SLC37A1: variants seen among roughly 807,000 people sequenced by gnomAD.
The protein encoded by SLC37A1 is glucose-6-phosphate exchanger SLC37A1.
SLC37A1 carries 49 observed loss-of-function variants against 75.3 expected under a neutral mutation model. That is an observed-to-expected ratio of 0.65 (90% CI 0.52 to 0.83). The LOEUF (loss-of-function observed/expected upper bound fraction) is 0.83, where lower values mean the gene tolerates loss of function less well. SLC37A1 is among the 40% of genes least tolerant of loss of function. The probability of loss-of-function intolerance (pLI) is 0.00; values close to 1 mark genes in which losing one functional copy is unlikely to be tolerated. For synonymous variants in SLC37A1, 268 were observed against 292.1 expected (o/e 0.92, Z 0.84); for missense variants, 566 against 695.0 (o/e 0.81, Z 2.09).
intron 3 of SLC37A1, among the ~76,000 whole-genome samples, chr21:42,530,652 A>ACC (rs905052485): frequency 0.014 from 362 of 25,070 alleles, 6 homozygotes; most frequent in Middle Eastern, 0.026. Context: ...ACACACACAC[A>ACC]CACCCCCTCT....
chr21:42,569,062 G>A (rs1409531127), intron 17 of SLC37A1, among the ~76,000 whole-genome samples: 1 of 152,210 alleles, frequency 6.6e-6, no homozygotes, highest in Non-Finnish European at 1.5e-5. Flanking sequence ...GTGAAGATCA[G>A]GAGGGTCCTT....
At chr21:42,567,987 A>C (rs1452545629) in intron 16 of SLC37A1, among the ~76,000 whole-genome samples, 1 of 152,260 alleles carries the variant, frequency 6.6e-6, no homozygotes, top group East Asian at 1.9e-4. Context: ...TCCAGCAGAC[A>C]CGTGGATGTG....
rs538595806 is a variant in SLC37A1 at position 42,517,524 on chromosome 21, A to G, written c.-178-753A>G. Among the ~76,000 whole-genome samples the G allele has an allele frequency of 4.6e-5, 7 of 152,342 alleles. No homozygotes were observed. The East Asian group carries it at 5.8e-4, about 13-fold the overall frequency. On this transcript the variant is annotated intron_variant, in intron 1 of 19. Transcript: ENST00000352133. Reference sequence around the variant, plus strand: ...TGGAAGCTCACTTTCGAGGGAGGCAAAAGTGAATGTGGGGAACTGATTGGC... The same window carrying G: ...TGGAAGCTCACTTTCGAGGGAGGCAGAAGTGAATGTGGGGAACTGATTGGC...
intron 10 of SLC37A1, among the ~76,000 whole-genome samples, chr21:42,557,451 C>T (rs1798205802): frequency 6.6e-6 from 1 of 152,288 alleles, no homozygotes. Flanking sequence ...CCATTCTTTG[C>T]TTTCACGTGC....
At chr21:42,576,410 G>GTAA (rs1555889378) in intron 18 of SLC37A1, among the ~76,000 whole-genome samples, 1 of 151,586 alleles carries the variant, frequency 6.6e-6, no homozygotes, top group Non-Finnish European at 1.5e-5. Context: ...TCCTTAGGCA[G>GTAA]TAATACAGAA....
rs1245821472 is a variant in SLC37A1, at chr21:42,530,645, CACACA to C, written c.139-4052_139-4048del. Among the ~76,000 whole-genome samples, 67 of 31,254 alleles carry C rather than the reference CACACA, an allele frequency of 2.1e-3. 1 individual carries two copies. The highest frequency in any genetic ancestry group is 3.2e-3 in the Non-Finnish European group (49 of 15,248). 20.5% of individuals were successfully genotyped at this position (31,254 alleles called of 152,430 possible). ...ACACACACACACACACACACACACA[CACACA>C]CACACCCCCTCTGTGTTGGCTGAAG... On this transcript the variant is annotated intron_variant, in intron 3 of 19. Transcript: ENST00000352133.
intron 18 of SLC37A1, among the ~76,000 whole-genome samples, chr21:42,576,717 CA>C (rs1475199863): frequency 6.6e-6 from 1 of 152,026 alleles, no homozygotes; most frequent in Admixed American, 6.5e-5. Flanking sequence ...AACAACCAAA[CA>C]GGAGTTATAG....
At chr21:42,559,442 G>C (rs539411565) in intron 11 of SLC37A1, among the ~76,000 whole-genome samples, 1 of 152,258 alleles carries the variant, frequency 6.6e-6, no homozygotes, top group South Asian at 2.1e-4. Context: ...CCTGACTACT[G>C]TGCCACCTGG....
intron 10 of SLC37A1, among the ~76,000 whole-genome samples, chr21:42,556,077 T>C (rs1226293442): frequency 6.6e-6 from 1 of 152,144 alleles, no homozygotes; most frequent in African/African-American, 2.4e-5. Context: ...TAGCAGGCAG[T>C]TTCTCAGTGG....
At chr21:42,543,712 G>C in intron 8 of SLC37A1, 110 bp downstream of exon 8, 3 of 1,076,206 alleles carry the variant, frequency 2.8e-6, no homozygotes, top group Non-Finnish European at 4.0e-6. Context: ...CGCCCTGTTT[G>C]CCCGTGGCTG....
intron 1 of SLC37A1, among the ~76,000 whole-genome samples, chr21:42,500,711 G>A (rs752434485): frequency 8.5e-5 from 13 of 152,140 alleles, no homozygotes; most frequent in South Asian, 4.1e-4. Context: ...AGTCTGTGAC[G>A]AACAGATTAG....
chr21:42,564,172 GTCT>G (rs1382740007), intron 13 of SLC37A1, among the ~76,000 whole-genome samples: 1 of 128,864 alleles, frequency 7.8e-6, no homozygotes, highest in Non-Finnish European at 1.6e-5. Context: ...ATCGCTTGAG[GTCT>G]TCTTGTTATG....
intron 18 of SLC37A1, chr21:42,575,491 C>G (rs1318490586): frequency 1.0e-6 from 1 of 985,322 alleles, no homozygotes; most frequent in African/African-American, 1.7e-5. Flanking sequence ...TTTCTCTGGG[C>G]TCCTGCTTCT....
intron 5 of SLC37A1, among the ~76,000 whole-genome samples, chr21:42,538,428 G>A (rs146138565): frequency 1.1e-3 from 172 of 152,266 alleles, no homozygotes; most frequent in African/African-American, 3.8e-3. Flanking sequence ...TCTCTCTGGC[G>A]TAGGTTTTTG....
chr21:42,505,347 G>A (rs996518704), intron 2 of SLC37A1, among the ~76,000 whole-genome samples: 11 of 152,124 alleles, frequency 7.2e-5, no homozygotes, highest in Non-Finnish European at 1.5e-4. Flanking sequence ...CTGGGCCTTT[G>A]CCTATGCTGT....
intron 2 of SLC37A1, among the ~76,000 whole-genome samples, chr21:42,518,836 C>T (rs904134725): frequency 6.6e-6 from 1 of 152,206 alleles, no homozygotes. Flanking sequence ...GAAATAAGCA[C>T]ATAACTTATA....
intron 11 of SLC37A1, among the ~76,000 whole-genome samples, chr21:42,561,169 C>T (rs1294307358): frequency 2.0e-5 from 3 of 152,186 alleles, no homozygotes; most frequent in Non-Finnish European, 4.4e-5. Flanking sequence ...CAAAGTAGAG[C>T]GCTGGGTTCC....
At chr21:42,575,412 T>C (rs2056286168) in intron 18 of SLC37A1, 1 of 985,352 alleles carries the variant, frequency 1.0e-6, no homozygotes, top group Admixed American at 6.1e-5. Context: ...CCTGAAGGGA[T>C]GGGAGAGAAT....
intron 3 of SLC37A1, among the ~76,000 whole-genome samples, chr21:42,530,009 A>G (rs1382081160): frequency 2.0e-5 from 3 of 152,230 alleles, no homozygotes; most frequent in Non-Finnish European, 4.4e-5. Flanking sequence ...AAGCATCTTT[A>G]TGGCAGCTTT....
Sources: allele counts gnomAD v4.1 joint callset (sites outside exome capture counted in the v4.1 genomes callset), GRCh38; gene constraint gnomAD v4.1.1; transcripts MANE v1.5; gene names NCBI Gene and HGNC (gene_info 2026-07-23, HGNC 2026-07-21).